Variants in SEZ6L observed in about 807,000 individuals in gnomAD.
SEZ6L encodes the protein seizure 6-like protein.
In SEZ6L, 37 loss-of-function variants were observed where a neutral mutation model predicts 106.2. The ratio of observed to expected loss-of-function variants is 0.35; its 90% CI spans 0.27 to 0.46. The LOEUF is 0.46. Ranked by LOEUF, SEZ6L falls within the 20% of genes least tolerant of loss-of-function variation. SEZ6L has a pLI of 1.00. For missense variants in SEZ6L, 1,172 were observed against 1,332.8 expected (o/e 0.88, Z 1.88); for synonymous variants, 541 against 570.4 (o/e 0.95, Z 0.73).
intron 1 of SEZ6L, among the ~76,000 whole-genome samples, chr22:26,172,302 C>T (rs1601944964): frequency 1.3e-5 from 2 of 152,084 alleles, no homozygotes; most frequent in Admixed American, 1.3e-4. Context: ...GCATTATTTT[C>T]CATAGAGTTT....
In SEZ6L at chr22:26,380,847, CCT is replaced by C. The variant is rs2084389974; in HGVS notation, c.*556_*557del. The C allele has an allele frequency of 6.6e-6, 1 of 152,666 alleles. No homozygotes were observed. The highest frequency in any genetic ancestry group is 6.5e-5 in the Admixed American group (1 of 15,360). The allele number at this position is 152,666 out of a possible 1,614,324, so 9.5% of individuals were successfully genotyped here. A position where few individuals can be genotyped will look rare whatever the true frequency, so the allele number is the denominator to read the frequency against. On this transcript the variant is annotated 3_prime_UTR_variant, in exon 17 of 17. Coordinates refer to ENST00000248933, the MANE Select transcript of SEZ6L (RefSeq NM_021115.5). ...CTGAAAGGTTTTTCCACAGCCCCTC[CCT>C]CTCACGGTTCTTCTGAAGGTAGCAA...
At chr22:26,324,440 G>A (rs1156809570) in intron 9 of SEZ6L, among the ~76,000 whole-genome samples, 1 of 152,146 alleles carries the variant, frequency 6.6e-6, no homozygotes, top group South Asian at 2.1e-4. Flanking sequence ...AACCTGTTCT[G>A]TGCTAAGTTA....
chr22:26,255,581 G>A (rs2145804829), intron 1 of SEZ6L, among the ~76,000 whole-genome samples: 1 of 152,256 alleles, frequency 6.6e-6, no homozygotes, highest in South Asian at 2.1e-4. Context: ...GATAATTTTT[G>A]CCGAGACAGA....
At chr22:26,319,040 A>G (rs1390111365) in intron 9 of SEZ6L, among the ~76,000 whole-genome samples, 4 of 152,160 alleles carry the variant, frequency 2.6e-5, no homozygotes, top group Non-Finnish European at 5.9e-5. Flanking sequence ...ACATAATGAC[A>G]ACAGGCTCTC....
chr22:26,209,224 T>A (rs1243910570), intron 1 of SEZ6L, among the ~76,000 whole-genome samples: 1 of 152,224 alleles, frequency 6.6e-6, no homozygotes, highest in East Asian at 1.9e-4. Context: ...AACATCTAGA[T>A]CATCATGGAG....
At chr22:26,299,426 A>G (rs1324653943) in intron 5 of SEZ6L, among the ~76,000 whole-genome samples, 1 of 152,204 alleles carries the variant, frequency 6.6e-6, no homozygotes, top group African/African-American at 2.4e-5. Context: ...AAACATCTTT[A>G]ACACCCCAAA....
chr22:26,313,143 T>C (rs2081891912), intron 8 of SEZ6L, among the ~76,000 whole-genome samples: 2 of 152,236 alleles, frequency 1.3e-5, no homozygotes, highest in South Asian at 4.1e-4. Context: ...CGCAGCCACA[T>C]CTCTGCTTCC....
intron 13 of SEZ6L, among the ~76,000 whole-genome samples, chr22:26,369,681 G>T (rs1470718904): frequency 1.3e-5 from 2 of 151,866 alleles, no homozygotes; most frequent in Non-Finnish European, 2.9e-5. Context: ...CTTTTGAAGA[G>T]CAGCGAACAG....
chr22:26,342,889 GC>G (rs1471448526), intron 10 of SEZ6L, among the ~76,000 whole-genome samples: 5 of 152,162 alleles, frequency 3.3e-5, no homozygotes, highest in Non-Finnish European at 7.4e-5. Flanking sequence ...GTTTCAAGAA[GC>G]CTCATGCGTG....
At chr22:26,284,276 G>T (rs1233509734) in intron 1 of SEZ6L, among the ~76,000 whole-genome samples, 1 of 152,194 alleles carries the variant, frequency 6.6e-6, no homozygotes, top group African/African-American at 2.4e-5. Flanking sequence ...GTGAAAATAT[G>T]TAAGTGTTTT....
Position 26,377,701 on chromosome 22 carries a change from C to T in SEZ6L, c.2971C>T (p.Pro991Ser), listed in dbSNP as rs1207971746. Residue 991 changes from proline (P) to serine (S), a missense_variant, in exon 16 of 17, where the codon CCT becomes TCT. Coordinates refer to ENST00000248933, the MANE Select transcript of SEZ6L (RefSeq NM_021115.5). ...RCRYYSNLRL[P>S]LMYSHPYSQI... ...TCGCTACTATTCCAACCTCCGCCTG[C>T]CTCTGATGTACTCCCACCCCTACAG... 2 of 1,613,802 alleles carry T rather than the reference C, an allele frequency of 1.2e-6. No individual in the cohort carries two copies. The highest frequency in any genetic ancestry group is 1.7e-5 in the Admixed American group (1 of 59,984).
chr22:26,175,257 A>G (rs1297805073), intron 1 of SEZ6L, among the ~76,000 whole-genome samples: 1 of 152,242 alleles, frequency 6.6e-6, no homozygotes, highest in African/African-American at 2.4e-5. Context: ...AAAACAGGTT[A>G]CAATTTTATT....
intron 9 of SEZ6L, among the ~76,000 whole-genome samples, chr22:26,331,335 T>C (rs2082474440): frequency 6.6e-6 from 1 of 152,212 alleles, no homozygotes; most frequent in African/African-American, 2.4e-5. Flanking sequence ...TTTATCCTTT[T>C]TGAAGAGGTA....
In SEZ6L at chr22:26,294,957, T is replaced by TGC. The variant is rs1370849563; in HGVS notation, c.969+532_969+533insGC. Among the ~76,000 whole-genome samples, 82 of 150,124 alleles carry TGC rather than the reference T, an allele frequency of 5.5e-4. 1 individual carries two copies. The highest frequency in any genetic ancestry group is 3.4e-3 in the Middle Eastern group (1 of 294). ...TCTCTTTCTTTCTTTCTTTCTTTCT[T>TGC]TCTTGCTTGCTTGCTTGCTTTCCTT... On this transcript the variant is annotated intron_variant, in intron 3 of 16. Coordinates refer to ENST00000248933, the MANE Select transcript of SEZ6L (RefSeq NM_021115.5).
intron 1 of SEZ6L, among the ~76,000 whole-genome samples, chr22:26,192,282 C>T (rs889294835): frequency 6.6e-6 from 1 of 152,210 alleles, no homozygotes; most frequent in Non-Finnish European, 1.5e-5. Context: ...TATGCAAAGC[C>T]ATTTTAAGAC....
At chr22:26,320,663 G>A (rs1449353955) in intron 9 of SEZ6L, among the ~76,000 whole-genome samples, 1 of 152,214 alleles carries the variant, frequency 6.6e-6, no homozygotes, top group Admixed American at 6.5e-5. Context: ...GCACCAGCAA[G>A]AGGAAATACA....
intron 1 of SEZ6L, among the ~76,000 whole-genome samples, chr22:26,268,714 A>G (rs759015492): frequency 3.6e-4 from 55 of 152,290 alleles, no homozygotes; most frequent in Non-Finnish European, 7.3e-4. Context: ...GATGTTTAGC[A>G]ATACCCTCGG....
At chr22:26,296,605 G>T (rs1486896531) in intron 3 of SEZ6L, among the ~76,000 whole-genome samples, 1 of 152,206 alleles carries the variant, frequency 6.6e-6, no homozygotes, top group Non-Finnish European at 1.5e-5. Context: ...CTGTGCCAAA[G>T]GCCCCTCTTA....
intron 1 of SEZ6L, among the ~76,000 whole-genome samples, chr22:26,284,382 G>A (rs927316591): frequency 6.6e-6 from 1 of 152,172 alleles, no homozygotes; most frequent in Non-Finnish European, 1.5e-5. Context: ...CAAGGCACAT[G>A]GATCACTTGA....
Sources: gnomAD v4.1 joint callset for allele counts (sites outside exome capture counted in the v4.1 genomes callset) on GRCh38, gnomAD v4.1.1 for gene constraint, MANE v1.5 for transcripts, NCBI Gene and HGNC (gene_info 2026-07-23, HGNC 2026-07-21) for gene names.